The following FAM163A variants were observed in gnomAD, a reference collection of about 807,000 sequenced individuals.
FAM163A encodes the protein protein FAM163A.
Under a neutral mutation model 12.0 loss-of-function variants are expected in FAM163A, and 7 were observed. The ratio of observed to expected loss-of-function variants is 0.58; its 90% CI spans 0.33 to 1.10. FAM163A has a LOEUF of 1.10. FAM163A is among the 50% of genes least tolerant of loss of function. The probability of loss-of-function intolerance (pLI) is 0.03; values close to 1 mark genes in which losing one functional copy is unlikely to be tolerated. For missense variants in FAM163A, 202 were observed against 218.6 expected (o/e 0.92, Z 0.48); for synonymous variants, 101 against 91.0 (o/e 1.11, Z -0.62).
At chr1:179,771,426 G>A (rs1688272065) in intron 1 of FAM163A, among the ~76,000 whole-genome samples, 1 of 152,180 alleles carries the variant, frequency 6.6e-6, no homozygotes, top group South Asian at 2.1e-4. Context: ...CCTTTGCAGA[G>A]TTTCCATCCT....
the FAM163A span, among the ~76,000 whole-genome samples, chr1:179,735,694 G>A: frequency 2.7e-5 from 4 of 150,466 alleles, no homozygotes; most frequent in South Asian, 6.4e-4. Flanking sequence ...TAGTAGAGAC[G>A]GGGTTTCACC....
chr1:179,815,095 ACGCGCG>A lies in FAM163A; in HGVS notation c.*916_*921del, dbSNP rs3075114. 15,560 of 128,942 alleles carry A rather than the reference ACGCGCG, an allele frequency of 0.12. 919 individuals are homozygous for A. Among genetic ancestry groups the A allele is most frequent in the African/African-American group, 0.13 (3,570 of 27,512 alleles). 8.0% of individuals were successfully genotyped at this position (128,942 alleles called of 1,614,324 possible). A position where few individuals can be genotyped will look rare whatever the true frequency, so the allele number is the denominator to read the frequency against. On this transcript the variant is annotated 3_prime_UTR_variant, in exon 5 of 5. Transcript: ENST00000341785. The stretch of plus-strand genomic sequence containing the variant: ...TGCATAACCGTTCCCAGGTGTACGC[ACGCGCG>A]CGCGCGCGCACAGACACACACACAC...
intron 1 of FAM163A, among the ~76,000 whole-genome samples, chr1:179,763,285 T>C (rs533021038): frequency 6.6e-5 from 10 of 152,196 alleles, no homozygotes; most frequent in Non-Finnish European, 1.2e-4. Flanking sequence ...TACAAAAGGG[T>C]AACTTCTACT....
upstream of FAM163A, among the ~76,000 whole-genome samples, chr1:179,740,513 G>A (rs1258159032): frequency 6.6e-6 from 1 of 152,072 alleles, no homozygotes; most frequent in African/African-American, 2.4e-5. Flanking sequence ...AAACAAGCTG[G>A]TGGTACATGC....
chr1:179,778,691 G>A (rs889156859), intron 1 of FAM163A, among the ~76,000 whole-genome samples: 4 of 152,126 alleles, frequency 2.6e-5, no homozygotes, highest in South Asian at 2.1e-4. Context: ...AAAGGTACAC[G>A]GATCAGTATA....
chr1:179,756,322 T>C (rs1686015835), intron 1 of FAM163A, among the ~76,000 whole-genome samples: 1 of 152,128 alleles, frequency 6.6e-6, no homozygotes, highest in Non-Finnish European at 1.5e-5. Context: ...ATATAGACAA[T>C]GTCTATAGAG....
At position 179,783,387 on chromosome 1, in the gene FAM163A, G is replaced by A. The variant is rs142319936; in HGVS notation, c.-135-24411G>A. 1.4e-3 allele frequency among the ~76,000 whole-genome samples: 211 copies of A among 152,224 alleles called. 3 individuals carry two copies. Among genetic ancestry groups the A allele is most frequent in the African/African-American group, 4.8e-3 (201 of 41,564 alleles). Reference sequence around the variant, plus strand: ...AACATTGTGGTACAACTCCTGTGTTGCTAGGTGGCAGTGAAATTTTGTAAA... The same window carrying A: ...AACATTGTGGTACAACTCCTGTGTTACTAGGTGGCAGTGAAATTTTGTAAA... On this transcript the variant is annotated intron_variant, in intron 1 of 4. Transcript: ENST00000341785.
intron 1 of FAM163A, among the ~76,000 whole-genome samples, chr1:179,806,851 C>A (rs1273821368): frequency 6.6e-6 from 1 of 152,142 alleles, no homozygotes; most frequent in Non-Finnish European, 1.5e-5. Context: ...AGCCTGTAAT[C>A]CCAGCACTTT....
chr1:179,795,870 T>C (rs1046359659), intron 1 of FAM163A, among the ~76,000 whole-genome samples: 1 of 152,112 alleles, frequency 6.6e-6, no homozygotes, highest in Non-Finnish European at 1.5e-5. Context: ...TTTATGGAAA[T>C]GAGTTCCTGC....
intron 1 of FAM163A, among the ~76,000 whole-genome samples, chr1:179,796,362 T>A (rs1315040358): frequency 6.6e-6 from 1 of 152,190 alleles, no homozygotes; most frequent in East Asian, 1.9e-4. Context: ...CTCTTCAAGG[T>A]GTCACATTTA....
intron 1 of FAM163A, among the ~76,000 whole-genome samples, chr1:179,804,300 A>G (rs750391324): frequency 4.6e-5 from 7 of 152,156 alleles, no homozygotes; most frequent in Non-Finnish European, 8.8e-5. Context: ...ACTTCAGGGG[A>G]CACCCTGGCT....
chr1:179,767,407 A>G (rs1687653552), intron 1 of FAM163A, among the ~76,000 whole-genome samples: 1 of 151,908 alleles, frequency 6.6e-6, no homozygotes, highest in African/African-American at 2.4e-5. Flanking sequence ...CCTCCCCTCC[A>G]CTGCCAGCTC....
intron 1 of FAM163A, among the ~76,000 whole-genome samples, chr1:179,795,958 C>CTATTATTATTATTAT (rs56872344): frequency 0.1 from 15,329 of 146,262 alleles, 939 homozygotes; most frequent in Non-Finnish European, 0.14. Flanking sequence ...GAGTCTTTCT[C>CTATTATTATTATTAT]TATTATTATT....
intron 2 of FAM163A, among the ~76,000 whole-genome samples, chr1:179,809,022 G>A (rs368703296): frequency 2.0e-5 from 3 of 152,146 alleles, no homozygotes; most frequent in Non-Finnish European, 4.4e-5. Context: ...TGGGAGGATC[G>A]CTTGGGCCCT....
chr1:179,740,452 C>T (rs979248206), upstream of FAM163A, among the ~76,000 whole-genome samples: 1 of 152,030 alleles, frequency 6.6e-6, no homozygotes, highest in Admixed American at 6.6e-5. Context: ...ATTTGTAATA[C>T]CCCTGAAACT....
chr1:179,736,715 C>A, the FAM163A span, among the ~76,000 whole-genome samples: 1 of 151,802 alleles, frequency 6.6e-6, no homozygotes, highest in African/African-American at 2.4e-5. Flanking sequence ...GAGGCTGAGG[C>A]AGAAGAATCA....
At chr1:179,765,507 T>G (rs921055120) in intron 1 of FAM163A, among the ~76,000 whole-genome samples, 1 of 152,066 alleles carries the variant, frequency 6.6e-6, no homozygotes, top group Admixed American at 6.6e-5. Context: ...GAATTAGTGC[T>G]GGGGACAGGG....
At chr1:179,763,106 G>A (rs1687034163) in intron 1 of FAM163A, among the ~76,000 whole-genome samples, 1 of 152,170 alleles carries the variant, frequency 6.6e-6, no homozygotes, top group African/African-American at 2.4e-5. Context: ...GAAGGGTGTG[G>A]GGGAGGCCAG....
At chr1:179,733,685 C>T in the FAM163A span, among the ~76,000 whole-genome samples, 2,424 of 152,222 alleles carry the variant, frequency 0.016, 64 homozygotes, top group African/African-American at 0.054. Flanking sequence ...TGTATCCACA[C>T]GTGCTACCTC....
Sources: gnomAD v4.1 joint callset for allele counts (sites outside exome capture counted in the v4.1 genomes callset) on GRCh38, gnomAD v4.1.1 for gene constraint, MANE v1.5 for transcripts, NCBI Gene and HGNC (gene_info 2026-07-23, HGNC 2026-07-21) for gene names.